Variants in STPG2 observed in about 807,000 individuals in gnomAD.
The protein encoded by STPG2 is sperm tail PG-rich repeat containing 2.
A neutral mutation model predicts 54.2 loss-of-function variants in STPG2; 56 were observed. The observed-to-expected ratio is 1.03, with a 90% CI of 0.83 to 1.29. The LOEUF (loss-of-function observed/expected upper bound fraction) is 1.29, where lower values mean the gene tolerates loss of function less well. Ranked by LOEUF, STPG2 falls within the 50% of genes most tolerant of loss-of-function variation. The pLI is 0.00. For missense variants in STPG2, 596 were observed against 544.9 expected (o/e 1.09, Z -0.93); for synonymous variants, 200 against 181.8 (o/e 1.10, Z -0.81).
At chr4:97,517,541 A>G (rs781420308) in intron 4 of STPG2, among the ~76,000 whole-genome samples, 63 of 152,138 alleles carry the variant, frequency 4.1e-4, no homozygotes, top group Non-Finnish European at 7.4e-4. Context: ...GTTTTTATCT[A>G]TAATTCCACA....
intron 10 of STPG2, among the ~76,000 whole-genome samples, chr4:97,637,108 A>T (rs903458582): frequency 3.9e-5 from 6 of 152,230 alleles, no homozygotes; most frequent in Non-Finnish European, 7.3e-5. Flanking sequence ...ATACTGGCAA[A>T]CCGAATCCAG....
chr4:97,994,225 C>T (rs1384937269), intron 5 of STPG2, among the ~76,000 whole-genome samples: 1 of 151,956 alleles, frequency 6.6e-6, no homozygotes, highest in Non-Finnish European at 1.5e-5. Context: ...ATTGTTAACC[C>T]AACGTTCATT....
At chr4:98,137,546 C>T in intron 1 of STPG2, among the ~76,000 whole-genome samples, 1 of 151,532 alleles carries the variant, frequency 6.6e-6, no homozygotes, top group East Asian at 1.9e-4. Flanking sequence ...TATTCTATCT[C>T]ACAATAAAAG....
At chr4:97,631,375 T>C (rs1408446028) in intron 10 of STPG2, among the ~76,000 whole-genome samples, 1 of 152,068 alleles carries the variant, frequency 6.6e-6, no homozygotes, top group African/African-American at 2.4e-5. Context: ...GGACAATGCT[T>C]ACAAGACTTC....
chr4:97,518,177 T>C (rs892507393), intron 4 of STPG2, among the ~76,000 whole-genome samples: 1 of 152,118 alleles, frequency 6.6e-6, no homozygotes, highest in Non-Finnish European at 1.5e-5. Flanking sequence ...CTAGTTCTAT[T>C]ACAATAATTA....
At chr4:97,820,909 C>G (rs1338764930) in intron 9 of STPG2, among the ~76,000 whole-genome samples, 1 of 152,118 alleles carries the variant, frequency 6.6e-6, no homozygotes, top group African/African-American at 2.4e-5. Flanking sequence ...GGCCCCACCT[C>G]CAAAATAAGA....
intron 6 of STPG2, among the ~76,000 whole-genome samples, chr4:97,978,671 A>G (rs1242174383): frequency 6.6e-6 from 1 of 152,210 alleles, no homozygotes; most frequent in East Asian, 1.9e-4. Flanking sequence ...AAAAGTTAAA[A>G]ATAAATAAAA....
chr4:97,980,075 A>C (rs1734622705), intron 6 of STPG2, among the ~76,000 whole-genome samples: 1 of 152,040 alleles, frequency 6.6e-6, no homozygotes, highest in South Asian at 2.1e-4. Flanking sequence ...AGTCCCAGCT[A>C]CTCAGAAGGC....
intron 3 of STPG2, among the ~76,000 whole-genome samples, chr4:98,113,839 TG>T (rs1232368905): frequency 3.3e-5 from 5 of 151,996 alleles, no homozygotes. Context: ...TACACTACTT[TG>T]GAATTCCTAA....
At chr4:97,736,499 C>A (rs1724998290) in intron 9 of STPG2, among the ~76,000 whole-genome samples, 1 of 152,152 alleles carries the variant, frequency 6.6e-6, no homozygotes, top group African/African-American at 2.4e-5. Context: ...TTGGGTCACT[C>A]CCACCCCATT....
At chr4:98,060,396 A>G (rs191120922) in intron 5 of STPG2, among the ~76,000 whole-genome samples, 29 of 149,292 alleles carry the variant, frequency 1.9e-4, no homozygotes, top group Non-Finnish European at 3.4e-4. Flanking sequence ...AGCTACAAAC[A>G]CTGCTCAAGG....
chr4:97,959,479 G>A (rs1221353738), intron 7 of STPG2, among the ~76,000 whole-genome samples: 3 of 151,932 alleles, frequency 2.0e-5, no homozygotes, highest in Non-Finnish European at 4.4e-5. Flanking sequence ...GAAAAGAAGA[G>A]AGAAAATCCA....
chr4:97,675,249 C>T (rs777082215), intron 10 of STPG2, among the ~76,000 whole-genome samples: 3 of 152,044 alleles, frequency 2.0e-5, no homozygotes, highest in Non-Finnish European at 4.4e-5. Context: ...GTGATCCACC[C>T]GCCTCGGCCT....
chr4:97,813,214 T>C (rs1470131712), intron 9 of STPG2, among the ~76,000 whole-genome samples: 1 of 151,038 alleles, frequency 6.6e-6, no homozygotes, highest in African/African-American at 2.4e-5. Context: ...TAGGTATAAC[T>C]GTGCAGGGTC....
At chr4:97,477,070 G>C (rs1172658481) in intron 4 of STPG2, among the ~76,000 whole-genome samples, 1 of 152,194 alleles carries the variant, frequency 6.6e-6, no homozygotes, top group Non-Finnish European at 1.5e-5. Context: ...CCTGTCATTG[G>C]GTTGTGAACA....
At chr4:97,980,518 G>GC (rs1734638028) in intron 6 of STPG2, among the ~76,000 whole-genome samples, 1 of 152,152 alleles carries the variant, frequency 6.6e-6, no homozygotes, top group Non-Finnish European at 1.5e-5. Context: ...GGAACCCTGG[G>GC]CCACCATGTT....
chr4:97,933,881 T>C (rs1239324554), intron 8 of STPG2, among the ~76,000 whole-genome samples: 1 of 152,182 alleles, frequency 6.6e-6, no homozygotes, highest in African/African-American at 2.4e-5. Flanking sequence ...TTTAAAGTAG[T>C]TTTTTCTAAT....
At chr4:97,626,689 C>T (rs1419944561) in intron 10 of STPG2, among the ~76,000 whole-genome samples, 1 of 151,968 alleles carries the variant, frequency 6.6e-6, no homozygotes, top group African/African-American at 2.4e-5. Flanking sequence ...TCCTTTTCTT[C>T]TTTTGCTTAT....
At chr4:97,486,387 A>G (rs1337888218) in intron 4 of STPG2, among the ~76,000 whole-genome samples, 1 of 151,938 alleles carries the variant, frequency 6.6e-6, no homozygotes, top group Admixed American at 6.6e-5. Context: ...CCAAAACAAG[A>G]TATACAAATG....
Sources: gnomAD v4.1 joint callset for allele counts (sites outside exome capture counted in the v4.1 genomes callset) on GRCh38, gnomAD v4.1.1 for gene constraint, MANE v1.5 for transcripts, NCBI Gene and HGNC (gene_info 2026-07-23, HGNC 2026-07-21) for gene names.